The following CSGALNACT1 variants were observed in gnomAD, a reference collection of about 807,000 sequenced individuals.
CSGALNACT1 encodes the protein chondroitin sulfate N-acetylgalactosaminyltransferase 1.
Under a neutral mutation model 51.0 loss-of-function variants are expected in CSGALNACT1, and 52 were observed. That is an observed-to-expected ratio of 1.02 (90% confidence interval 0.82 to 1.29). The LOEUF (loss-of-function observed/expected upper bound fraction) is 1.29. Among genes scored for constraint, CSGALNACT1 ranks in the 50% most tolerant of loss-of-function variants. CSGALNACT1 has a pLI of 0.00. For missense variants in CSGALNACT1, 935 were observed against 679.2 expected (o/e 1.38, Z -4.19); for synonymous variants, 341 against 254.4 (o/e 1.34, Z -3.24).
At chr8:19,630,244 ATGTG>A in intron 1 of CSGALNACT1, among the ~76,000 whole-genome samples, 1 of 73,858 alleles carries the variant, frequency 1.4e-5, no homozygotes, top group African/African-American at 5.1e-5. Flanking sequence ...GTGTGTGTGT[ATGTG>A]TGTGTGTTCT....
chr8:19,745,467 A>G (rs912779588), intron 1 of CSGALNACT1, among the ~76,000 whole-genome samples: 1 of 152,184 alleles, frequency 6.6e-6, no homozygotes, highest in Non-Finnish European at 1.5e-5. Context: ...CCCTAAAGAA[A>G]CTCCTCAGAA....
At chr8:19,756,299 C>T (rs1217806329) in intron 1 of CSGALNACT1, among the ~76,000 whole-genome samples, 1 of 151,884 alleles carries the variant, frequency 6.6e-6, no homozygotes. Context: ...TAAGTAAAAA[C>T]TGCACCAAGG....
intron 3 of CSGALNACT1, among the ~76,000 whole-genome samples, chr8:19,574,306 T>G (rs185609672): frequency 6.6e-6 from 1 of 152,310 alleles, no homozygotes; most frequent in East Asian, 1.9e-4. Context: ...CTGCAGGTCC[T>G]CCAGACCCAG....
intron 1 of CSGALNACT1, among the ~76,000 whole-genome samples, chr8:19,714,269 T>C (rs2062676397): frequency 6.6e-6 from 1 of 152,230 alleles, no homozygotes; most frequent in Non-Finnish European, 1.5e-5. Flanking sequence ...TCCTTTCCTC[T>C]GGCTGAATTA....
chr8:19,724,642 G>C (rs1233221629), intron 1 of CSGALNACT1, among the ~76,000 whole-genome samples: 1 of 152,190 alleles, frequency 6.6e-6, no homozygotes, highest in Non-Finnish European at 1.5e-5. Flanking sequence ...GCCTTTGGGA[G>C]ACCATTATTC....
At chr8:19,657,306 C>T (rs1022289430) in intron 1 of CSGALNACT1, among the ~76,000 whole-genome samples, 13 of 148,686 alleles carry the variant, frequency 8.7e-5, no homozygotes, top group Non-Finnish European at 1.5e-4. Context: ...GAAAGATAAA[C>T]TGAAAGACGT....
intron 1 of CSGALNACT1, among the ~76,000 whole-genome samples, chr8:19,621,066 GTTCT>G: frequency 6.6e-6 from 1 of 152,302 alleles, no homozygotes; most frequent in South Asian, 2.1e-4. Context: ...ACTAGTCTGA[GTTCT>G]TTATCAGGAA....
At chr8:19,627,984 G>A (rs1160984712) in intron 1 of CSGALNACT1, among the ~76,000 whole-genome samples, 2 of 152,102 alleles carry the variant, frequency 1.3e-5, no homozygotes, top group Non-Finnish European at 2.9e-5. Flanking sequence ...AGGAACCTGG[G>A]AACTCTCTGT....
chr8:19,588,755 A>G (rs1260153811), intron 3 of CSGALNACT1, among the ~76,000 whole-genome samples: 1 of 152,216 alleles, frequency 6.6e-6, no homozygotes, highest in East Asian at 1.9e-4. Context: ...TGCTCTGTGC[A>G]TGACATGAGT....
intron 1 of CSGALNACT1, among the ~76,000 whole-genome samples, chr8:19,703,355 G>C (rs905124720): frequency 3.3e-5 from 5 of 152,180 alleles, no homozygotes; most frequent in African/African-American, 1.2e-4. Flanking sequence ...CCAGGCTAGA[G>C]TGCAGCGGCG....
At chr8:19,571,372 G>C (rs919891803) in intron 3 of CSGALNACT1, among the ~76,000 whole-genome samples, 3 of 151,854 alleles carry the variant, frequency 2.0e-5, no homozygotes, top group African/African-American at 7.3e-5. Flanking sequence ...ATTCTAGAGT[G>C]GGGGGCACCT....
intron 5 of CSGALNACT1, 86 bp downstream of exon 4, chr8:19,458,340 G>C: frequency 9.1e-7 from 1 of 1,100,178 alleles, no homozygotes; most frequent in Non-Finnish European, 1.4e-6. Context: ...TACTCGGCAG[G>C]GGAAATGAAG....
At chr8:19,452,851 G>A (rs1031184984) in intron 5 of CSGALNACT1, among the ~76,000 whole-genome samples, 2 of 151,870 alleles carry the variant, frequency 1.3e-5, no homozygotes, top group African/African-American at 4.8e-5. Context: ...ACAAGAAAAG[G>A]GAACTTCAAC....
chr8:19,531,147 A>T (rs993036037), intron 3 of CSGALNACT1, among the ~76,000 whole-genome samples: 25 of 152,352 alleles, frequency 1.6e-4, no homozygotes, highest in East Asian at 7.7e-4. Context: ...GAAACTCTTC[A>T]GAGATAGAGC....
chr8:19,439,443 T>C (rs957957506), intron 6 of CSGALNACT1, among the ~76,000 whole-genome samples: 1 of 152,236 alleles, frequency 6.6e-6, no homozygotes, highest in Admixed American at 6.5e-5. Flanking sequence ...TCTGAAGCTG[T>C]GGCTGAGACG....
intron 1 of CSGALNACT1, among the ~76,000 whole-genome samples, chr8:19,720,040 T>C (rs1159887319): frequency 1.3e-5 from 2 of 152,150 alleles, no homozygotes; most frequent in African/African-American, 4.8e-5. Flanking sequence ...GGAAGGTGGA[T>C]GTAATCACAG....
At chr8:19,586,348 G>A (rs2046634627) in intron 3 of CSGALNACT1, among the ~76,000 whole-genome samples, 1 of 148,718 alleles carries the variant, frequency 6.7e-6, no homozygotes, top group Admixed American at 6.8e-5. Context: ...AACAGAGCAA[G>A]ACTCCATCTC....
chr8:19,458,792 T>G lies in CSGALNACT1; in HGVS notation c.635-150A>C, dbSNP rs144018192. 1.2e-5 allele frequency: 9 copies of G among 770,370 alleles called. No homozygotes were observed. The East Asian group carries it at 2.3e-4, about 20-fold the overall frequency. The allele number at this position is 770,370 out of a possible 1,614,324, so 47.7% of individuals were successfully genotyped here. On this transcript the variant is annotated intron_variant, in intron 4 of 9. Coordinates refer to ENST00000454498, the Ensembl canonical transcript of CSGALNACT1. ...ATTCGAAAATTCAAAATGCTCCCAATTAAAAAATTCCAAAAGAAGTCAAAA... is the reference window on the plus strand; with the variant it reads ...ATTCGAAAATTCAAAATGCTCCCAAGTAAAAAATTCCAAAAGAAGTCAAAA...
intron 6 of CSGALNACT1, among the ~76,000 whole-genome samples, chr8:19,429,361 G>A (rs2059303064): frequency 6.6e-6 from 1 of 152,062 alleles, no homozygotes; most frequent in Admixed American, 6.5e-5. Context: ...ATTTTTAGTA[G>A]ATATGGGGTT....
Sources: gnomAD v4.1 joint callset for allele counts (sites outside exome capture counted in the v4.1 genomes callset) on GRCh38, gnomAD v4.1.1 for gene constraint, MANE v1.5 for transcripts, NCBI Gene and HGNC (gene_info 2026-07-23, HGNC 2026-07-21) for gene names.